The following GRM7 variants were observed in gnomAD, a reference collection of about 807,000 sequenced individuals.
GRM7 encodes the protein glutamate metabotropic receptor 7.
A neutral mutation model predicts 84.5 loss-of-function variants in GRM7; 35 were observed. The observed-to-expected ratio is 0.41, with a 90% CI of 0.32 to 0.55. The LOEUF (loss-of-function observed/expected upper bound fraction) is 0.55, where lower values mean the gene tolerates loss of function less well. GRM7 is among the 20% of genes least tolerant of loss of function. The probability of loss-of-function intolerance (pLI) is 0.19; values close to 1 mark genes in which losing one functional copy is unlikely to be tolerated. For missense variants in GRM7, 1,003 were observed against 1,194.6 expected, an observed-to-expected ratio of 0.84 and a Z score of 2.36; for synonymous variants, 487 against 455.1, an observed-to-expected ratio of 1.07 and a Z score of -0.89.
At chr3:7,004,267 T>C (rs1695109420) in intron 1 of GRM7, among the ~76,000 whole-genome samples, 1 of 152,158 alleles carries the variant, frequency 6.6e-6, no homozygotes, top group Non-Finnish European at 1.5e-5. Context: ...CTGGCAACCA[T>C]AGTAAAAATT....
At chr3:7,135,128 T>C (rs1693730280) in intron 1 of GRM7, among the ~76,000 whole-genome samples, 1 of 152,242 alleles carries the variant, frequency 6.6e-6, no homozygotes, top group African/African-American at 2.4e-5. Context: ...AATTCAAGAT[T>C]ATTAGTTATC....
At chr3:7,168,770 AG>A (rs141423976) in intron 2 of GRM7, among the ~76,000 whole-genome samples, 18 of 152,324 alleles carry the variant, frequency 1.2e-4, no homozygotes, top group Non-Finnish European at 2.4e-4. Context: ...TTCAGCATTC[AG>A]AAGTGTCATT....
intron 1 of GRM7, among the ~76,000 whole-genome samples, chr3:7,128,976 C>T (rs190128747): frequency 6.2e-4 from 94 of 152,232 alleles, no homozygotes; most frequent in African/African-American, 2.2e-3. Context: ...CTTAAACTTG[C>T]TCATGTTAAA....
intron 4 of GRM7, among the ~76,000 whole-genome samples, chr3:7,360,117 TC>T (rs1203496865): frequency 7.1e-6 from 1 of 140,700 alleles, no homozygotes; most frequent in Admixed American, 7.3e-5. Context: ...TATCTCTTTC[TC>T]CCCCCCTTTT....
rs565707996 is a variant in GRM7, at chr3:7,206,856, G to A, written c.736+60188G>A. Among the ~76,000 whole-genome samples the A allele has an allele frequency of 2.4e-4, 36 of 152,248 alleles. 1 individual carries two copies. In the South Asian group the frequency reaches 7.1e-3, roughly 30 times the overall value. On this transcript the variant is annotated intron_variant, in intron 2 of 9. Coordinates refer to ENST00000357716, the MANE Select transcript of GRM7 (RefSeq NM_000844.4). Reference sequence around the variant, plus strand: ...TCTAATGGATGCTTTCTTCTGAAGAGCTGGCTTTACAATAGACTCAGAACC... The same window carrying A: ...TCTAATGGATGCTTTCTTCTGAAGAACTGGCTTTACAATAGACTCAGAACC...
intron 1 of GRM7, among the ~76,000 whole-genome samples, chr3:7,043,497 G>A (rs1258394839): frequency 1.3e-5 from 2 of 152,102 alleles, no homozygotes; most frequent in Non-Finnish European, 2.9e-5. Flanking sequence ...GTCCTTTATT[G>A]CCTGATATCT....
At chr3:7,296,231 A>G (rs1699810911) in intron 2 of GRM7, among the ~76,000 whole-genome samples, 1 of 152,098 alleles carries the variant, frequency 6.6e-6, no homozygotes, top group South Asian at 2.1e-4. Context: ...TTGTTCTTTG[A>G]ATAAAACCCA....
In GRM7 at chr3:6,973,051, C is replaced by T. The variant is rs533698634; in HGVS notation, c.519+111144C>T. On this transcript the variant is annotated intron_variant, in intron 1 of 9. Coordinates refer to ENST00000357716, the MANE Select transcript of GRM7 (RefSeq NM_000844.4). Reference sequence around the variant, plus strand: ...TAGCTATGGCACTTTGGGCATTTTACGCCTTATTTTCTTCCTCGGTAAACA... The same window carrying T: ...TAGCTATGGCACTTTGGGCATTTTATGCCTTATTTTCTTCCTCGGTAAACA... 4.1e-4 allele frequency among the ~76,000 whole-genome samples: 62 copies of T among 152,292 alleles called. No homozygotes were observed. The South Asian group carries it at 0.012, about 29-fold the overall frequency.
At position 7,364,197 on chromosome 3, in the gene GRM7, GTATA is replaced by G. The variant is rs544926102; in HGVS notation, c.1034-50818_1034-50815del. On this transcript the variant is annotated intron_variant, in intron 4 of 9. Coordinates refer to ENST00000357716, the MANE Select transcript of GRM7 (RefSeq NM_000844.4). ...GAGAAAAAGAATTTCCTTGTTAGAT[GTATA>G]TATATATCACATTCAGAATTGGTAT... Among the ~76,000 whole-genome samples the G allele has an allele frequency of 6.1e-3, 927 of 151,746 alleles. 6 individuals carry two copies. Among genetic ancestry groups the G allele is most frequent in the African/African-American group, 0.021 (874 of 41,434 alleles).
intron 7 of GRM7, among the ~76,000 whole-genome samples, chr3:7,482,485 G>A (rs1699168583): frequency 6.6e-6 from 1 of 152,206 alleles, no homozygotes; most frequent in Non-Finnish European, 1.5e-5. Flanking sequence ...TACATGGCAA[G>A]TCAATGTGAG....
intron 1 of GRM7, among the ~76,000 whole-genome samples, chr3:6,873,733 C>A (rs1419769954): frequency 3.9e-5 from 6 of 152,240 alleles, no homozygotes; most frequent in Non-Finnish European, 8.8e-5. Context: ...GTCATGCACC[C>A]TGTATAAGGG....
At chr3:7,600,709 A>G (rs990857393) in intron 8 of GRM7, among the ~76,000 whole-genome samples, 2 of 152,154 alleles carry the variant, frequency 1.3e-5, no homozygotes, top group Admixed American at 1.3e-4. Context: ...GTTTGCCCAT[A>G]TCATCTTAAC....
At chr3:7,695,655 G>T (rs77401692) in intron 9 of GRM7, among the ~76,000 whole-genome samples, 1 of 152,018 alleles carries the variant, frequency 6.6e-6, no homozygotes, top group Non-Finnish European at 1.5e-5. Flanking sequence ...CAACTTTGTC[G>T]TTCTCCAGAT....
chr3:7,574,491 A>C (rs752144148), intron 7 of GRM7, among the ~76,000 whole-genome samples: 1 of 152,196 alleles, frequency 6.6e-6, no homozygotes, highest in Non-Finnish European at 1.5e-5. Context: ...AATGGCTACT[A>C]TAGCTCTAAC....
intron 5 of GRM7, among the ~76,000 whole-genome samples, chr3:7,440,251 G>A (rs1220819512): frequency 6.6e-6 from 1 of 152,170 alleles, no homozygotes; most frequent in East Asian, 1.9e-4. Flanking sequence ...GAATTCAAGT[G>A]TAAAGCTATC....
At chr3:7,422,396 C>A (rs111948239) in intron 5 of GRM7, among the ~76,000 whole-genome samples, 2,635 of 152,260 alleles carry the variant, frequency 0.017, 67 homozygotes, top group African/African-American at 0.056. Flanking sequence ...ACTAATGCAA[C>A]TAAGGAGCTG....
intron 1 of GRM7, among the ~76,000 whole-genome samples, chr3:7,095,193 A>C (rs1277565285): frequency 6.6e-6 from 1 of 152,158 alleles, no homozygotes; most frequent in Non-Finnish European, 1.5e-5. Flanking sequence ...GAAATTAACT[A>C]ATCTTCCCTA....
intron 7 of GRM7, among the ~76,000 whole-genome samples, chr3:7,500,079 C>T (rs548105317): frequency 6.6e-6 from 1 of 152,258 alleles, no homozygotes; most frequent in Non-Finnish European, 1.5e-5. Flanking sequence ...TCTAATTCTC[C>T]TCCACCATAG....
At chr3:7,682,471 T>G (rs1700416868) in intron 9 of GRM7, 2 of 152,050 alleles carry the variant, frequency 1.3e-5, no homozygotes, top group African/African-American at 4.8e-5. Context: ...TTATTATAGG[T>G]TGTCTTGTCA....
Sources: allele counts gnomAD v4.1 joint callset (sites outside exome capture counted in the v4.1 genomes callset), GRCh38; gene constraint gnomAD v4.1.1; transcripts MANE v1.5; gene names NCBI Gene and HGNC (gene_info 2026-07-23, HGNC 2026-07-21).